Variants in NAALADL2 observed in about 807,000 individuals in gnomAD.
The protein encoded by NAALADL2 is N-acetylated alpha-linked acidic dipeptidase like 2, also known as inactive N-acetylated-alpha-linked acidic dipeptidase-like protein 2.
Under a neutral mutation model 87.2 loss-of-function variants are expected in NAALADL2, and 76 were observed. The ratio of observed to expected loss-of-function variants is 0.87; its 90% CI spans 0.72 to 1.05. NAALADL2 has a LOEUF of 1.05. NAALADL2 is among the 50% of genes least tolerant of loss of function. NAALADL2 has a pLI of 0.00. For missense variants in NAALADL2, 1,089 were observed against 945.8 expected (o/e 1.15, Z -1.99); for synonymous variants, 354 against 331.0 (o/e 1.07, Z -0.75).
intron 2 of NAALADL2, among the ~76,000 whole-genome samples, chr3:175,119,379 C>T (rs1024069951): frequency 5.3e-5 from 8 of 151,506 alleles, no homozygotes; most frequent in Admixed American, 4.6e-4. Flanking sequence ...GAGGCAGGAA[C>T]AAATAATATT....
chr3:174,455,212 G>A (rs140492305), intron 1 of NAALADL2, among the ~76,000 whole-genome samples: 42 of 152,204 alleles, frequency 2.8e-4, no homozygotes, highest in African/African-American at 1.0e-3. Flanking sequence ...CCAATAACAA[G>A]CTCTGAAAGT....
intron 2 of NAALADL2, among the ~76,000 whole-genome samples, chr3:174,563,549 T>C (rs1713883127): frequency 6.6e-6 from 1 of 151,804 alleles, no homozygotes; most frequent in South Asian, 2.1e-4. Context: ...CATTTAAACT[T>C]ACAATGTCAT....
intron 2 of NAALADL2, among the ~76,000 whole-genome samples, chr3:174,576,256 AC>A (rs1193214708): frequency 3.3e-5 from 5 of 152,204 alleles, no homozygotes; most frequent in African/African-American, 9.6e-5. Flanking sequence ...AGACATACAG[AC>A]AAAAAATTAT....
intron 1 of NAALADL2, among the ~76,000 whole-genome samples, chr3:174,505,596 TAACATA>T: frequency 6.6e-6 from 1 of 152,186 alleles, no homozygotes; most frequent in Non-Finnish European, 1.5e-5. Context: ...AAAGTCATCA[TAACATA>T]AAGCATGAGG....
chr3:175,554,816 T>G (rs1177525716), intron 9 of NAALADL2, among the ~76,000 whole-genome samples: 2 of 152,132 alleles, frequency 1.3e-5, no homozygotes, highest in Non-Finnish European at 2.9e-5. Context: ...TAAACACAGC[T>G]GTATGAATTC....
intron 5 of NAALADL2, among the ~76,000 whole-genome samples, chr3:175,439,998 C>A (rs1051096523): frequency 6.6e-6 from 1 of 151,984 alleles, no homozygotes; most frequent in African/African-American, 2.4e-5. Flanking sequence ...CCAACGTTAT[C>A]TTCTAGAATT....
At chr3:175,739,298 A>T (rs1031933587) in intron 12 of NAALADL2, among the ~76,000 whole-genome samples, 13 of 152,210 alleles carry the variant, frequency 8.5e-5, no homozygotes, top group Non-Finnish European at 1.6e-4. Flanking sequence ...ATTTGTGACG[A>T]TTCGGTTGTC....
intron 11 of NAALADL2, among the ~76,000 whole-genome samples, chr3:175,688,758 G>T (rs1040267615): frequency 3.9e-5 from 6 of 152,082 alleles, no homozygotes; most frequent in African/African-American, 1.2e-4. Context: ...TGTCTTCAAG[G>T]TTTCTCCTTT....
chr3:175,499,559 A>AT (rs1351791323), intron 9 of NAALADL2, among the ~76,000 whole-genome samples: 3 of 151,354 alleles, frequency 2.0e-5, no homozygotes, highest in African/African-American at 4.9e-5. Context: ...TCTACTTGGT[A>AT]TTTTTTTGCA....
In NAALADL2 at chr3:175,795,716, T is replaced by TA. The variant is rs556939443; in HGVS notation, c.2190-7283dup. Among the ~76,000 whole-genome samples the TA allele has an allele frequency of 1.4e-3, 211 of 150,332 alleles. 1 individual carries two copies. Among genetic ancestry groups the TA allele is most frequent in the African/African-American group, 5.1e-3 (205 of 40,304 alleles). On this transcript the variant is annotated intron_variant, in intron 13 of 13. Transcript: ENST00000454872. ...AAAAAATAAAATAAAATAAAATAAATAAAAAAGAACAGATTCTCATGGGAA... is the reference window on the plus strand; with the variant it reads ...AAAAAATAAAATAAAATAAAATAAATAAAAAAAGAACAGATTCTCATGGGAA...
chr3:175,533,191 C>T (rs1186900373), intron 9 of NAALADL2, among the ~76,000 whole-genome samples: 1 of 152,188 alleles, frequency 6.6e-6, no homozygotes, highest in Non-Finnish European at 1.5e-5. Flanking sequence ...TTCCTTCCAC[C>T]ATTATCCCAT....
chr3:175,160,462 C>T (rs1733020819), intron 2 of NAALADL2, among the ~76,000 whole-genome samples: 1 of 139,040 alleles, frequency 7.2e-6, no homozygotes, highest in African/African-American at 2.6e-5. Flanking sequence ...AAGCAATTCT[C>T]CTGCCTCAGC....
chr3:174,887,805 ATTTTTGCTT>A (rs1245962910), intron 1 of NAALADL2, among the ~76,000 whole-genome samples: 1 of 149,576 alleles, frequency 6.7e-6, no homozygotes, highest in Non-Finnish European at 1.5e-5. Flanking sequence ...CAAAAAAATT[ATTTTTGCTT>A]GAGCATCTTT....
At chr3:175,742,830 T>A (rs1745425533) in intron 12 of NAALADL2, among the ~76,000 whole-genome samples, 1 of 152,292 alleles carries the variant, frequency 6.6e-6, no homozygotes, top group South Asian at 2.1e-4. Context: ...AAAGATATGA[T>A]CTAATTGTAA....
chr3:174,859,081 A>G (rs952819024), upstream of NAALADL2, among the ~76,000 whole-genome samples: 1 of 152,162 alleles, frequency 6.6e-6, no homozygotes, highest in Non-Finnish European at 1.5e-5. Flanking sequence ...GGTAATATCA[A>G]TGCTCTTTTA....
chr3:174,832,693 C>G (rs1036186003), intron 3 of NAALADL2, among the ~76,000 whole-genome samples: 1 of 152,100 alleles, frequency 6.6e-6, no homozygotes, highest in Non-Finnish European at 1.5e-5. Flanking sequence ...GTCTCGATCT[C>G]TTGACGTCGT....
chr3:175,030,128 T>C (rs1752652202), intron 1 of NAALADL2, among the ~76,000 whole-genome samples: 3 of 152,106 alleles, frequency 2.0e-5, no homozygotes. Flanking sequence ...GTCTTCTTAA[T>C]GCCTCTGACC....
intron 2 of NAALADL2, among the ~76,000 whole-genome samples, chr3:174,726,526 A>T (rs1057478137): frequency 1.3e-4 from 20 of 151,790 alleles, no homozygotes; most frequent in Non-Finnish European, 2.2e-4. Context: ...GCTCCTTTAA[A>T]TTTTTTTGCC....
chr3:175,258,765 T>C (rs1386749961), intron 4 of NAALADL2, among the ~76,000 whole-genome samples: 1 of 152,128 alleles, frequency 6.6e-6, no homozygotes, highest in Non-Finnish European at 1.5e-5. Flanking sequence ...GGGGACGTGA[T>C]AGAATGGTGT....
Sources: gnomAD v4.1 joint callset for allele counts (sites outside exome capture counted in the v4.1 genomes callset) on GRCh38, gnomAD v4.1.1 for gene constraint, MANE v1.5 for transcripts, NCBI Gene and HGNC (gene_info 2026-07-23, HGNC 2026-07-21) for gene names.